EFCAB6: variants seen among roughly 807,000 people sequenced by gnomAD.
EFCAB6 encodes the protein EF-hand calcium binding domain 6.
Under a neutral mutation model 169.8 loss-of-function variants are expected in EFCAB6, and 156 were observed. The observed-to-expected ratio is 0.92, with a 90% CI of 0.81 to 1.05. EFCAB6 has a LOEUF of 1.05. EFCAB6 is among the 50% of genes least tolerant of loss of function. EFCAB6 has a pLI of 0.00. For synonymous variants in EFCAB6, 698 were observed against 676.4 expected, an observed-to-expected ratio of 1.03 and a Z score of -0.50; for missense variants, 1,800 against 1,829.1, an observed-to-expected ratio of 0.98 and a Z score of 0.29.
At chr22:43,716,745 C>A (rs1164210524) in intron 9 of EFCAB6, 103 bp downstream of exon 9, 2 of 1,413,822 alleles carry the variant, frequency 1.4e-6, no homozygotes, top group Non-Finnish European at 1.9e-6. Context: ...TAGGTAGGAT[C>A]GAAACAAATT....
intron 4 of EFCAB6, among the ~76,000 whole-genome samples, chr22:43,772,326 T>C (rs1603353363): frequency 6.6e-6 from 1 of 152,020 alleles, no homozygotes; most frequent in African/African-American, 2.4e-5. Flanking sequence ...CCCAAATACA[T>C]TTATATGGAC....
At chr22:43,588,954 G>T (rs1175192940) in intron 24 of EFCAB6, among the ~76,000 whole-genome samples, 1 of 152,106 alleles carries the variant, frequency 6.6e-6, no homozygotes, top group Admixed American at 6.6e-5. Context: ...GGCATGCGGA[G>T]GTAAGTTTTC....
At chr22:43,586,811 A>G (rs2051104980) in intron 24 of EFCAB6, among the ~76,000 whole-genome samples, 1 of 152,186 alleles carries the variant, frequency 6.6e-6, no homozygotes, top group African/African-American at 2.4e-5. Context: ...AGCCCACTGA[A>G]TCAGAAACTT....
chr22:43,722,974 G>A (rs1159199041), intron 8 of EFCAB6, among the ~76,000 whole-genome samples: 11 of 152,190 alleles, frequency 7.2e-5, no homozygotes, highest in Admixed American at 6.5e-5. Flanking sequence ...AACACTGCAT[G>A]TTCTCTCTTA....
intron 17 of EFCAB6, among the ~76,000 whole-genome samples, chr22:43,666,701 T>TTTG (rs112144642): frequency 0.089 from 12,637 of 142,528 alleles, 1,080 homozygotes; most frequent in African/African-American, 0.22. Flanking sequence ...GTTTTTTTTT[T>TTTG]TTTTTTTTTT....
intron 8 of EFCAB6, among the ~76,000 whole-genome samples, chr22:43,730,219 A>ATGGAGGG: frequency 9.4e-6 from 1 of 106,814 alleles, no homozygotes; most frequent in Non-Finnish European, 1.9e-5. Context: ...GAGGAGAGGA[A>ATGGAGGG]AAGGAGGGCA....
At chr22:43,601,540 T>C (rs1053761163) in intron 22 of EFCAB6, among the ~76,000 whole-genome samples, 2 of 152,184 alleles carry the variant, frequency 1.3e-5, no homozygotes, top group Non-Finnish European at 2.9e-5. Context: ...CAGTTTTCCT[T>C]TGAGAGGTAC....
rs762368832 is a variant in EFCAB6, at chr22:43,554,866, T to C, written c.3648+3A>G. 6.2e-6 allele frequency: 10 copies of C among 1,614,096 alleles called. No individual in the cohort carries two copies. The highest frequency in any genetic ancestry group is 1.7e-5 in the Admixed American group (1 of 60,030). ...AGGGTGAGGACTGACTGGCGTTTCT[T>C]ACCTGTTCGTCCGTCAGGATTTGGA... On this transcript the variant is annotated splice_donor_region_variant and intron_variant, in intron 27 of 31. Transcript: ENST00000262726.
chr22:43,572,376 G>A lies in EFCAB6; in HGVS notation c.3420+3921C>T, dbSNP rs368921028. Reference sequence around the variant, plus strand: ...ATGAGGACACTCAGGCCTCGCTGAGGGGGGACAGCAGACATGGAGCTTCAA... The same window carrying A: ...ATGAGGACACTCAGGCCTCGCTGAGAGGGGACAGCAGACATGGAGCTTCAA... On this transcript the variant is annotated intron_variant, in intron 26 of 31. Transcript: ENST00000262726. The surrounding 1 kb of genome is among the most constrained non-coding windows in gnomAD (Gnocchi z 4.0). 6.6e-6 allele frequency among the ~76,000 whole-genome samples: 1 copy of A among 152,184 alleles called. No individual in the cohort carries two copies. Among genetic ancestry groups the A allele is most frequent in the Admixed American group, 6.5e-5 (1 of 15,278 alleles).
chr22:43,621,427 T>C (rs62227020), intron 20 of EFCAB6, among the ~76,000 whole-genome samples: 15,664 of 152,046 alleles, frequency 0.1, 877 homozygotes, highest in Admixed American at 0.12. Flanking sequence ...TATTTTGAAA[T>C]TAAACAACAC....
chr22:43,800,385 C>G (rs1374192727), intron 2 of EFCAB6, among the ~76,000 whole-genome samples: 1 of 152,192 alleles, frequency 6.6e-6, no homozygotes, highest in Non-Finnish European at 1.5e-5. Flanking sequence ...CCAGAGAAGA[C>G]TGGAATAGAT....
At chr22:43,563,644 G>A (rs2049224237) in intron 26 of EFCAB6, among the ~76,000 whole-genome samples, 1 of 152,242 alleles carries the variant, frequency 6.6e-6, no homozygotes, top group Non-Finnish European at 1.5e-5. Flanking sequence ...CTCAAGGCAT[G>A]TGGCCCAGAG....
chr22:43,761,863 T>G (rs1447745545), intron 5 of EFCAB6, among the ~76,000 whole-genome samples: 3 of 152,232 alleles, frequency 2.0e-5, no homozygotes, highest in Non-Finnish European at 2.9e-5. Flanking sequence ...GTAGTCCTCA[T>G]TCTTTGATAG....
intron 26 of EFCAB6, among the ~76,000 whole-genome samples, chr22:43,558,825 CTT>C (rs2048858659): frequency 6.6e-6 from 1 of 152,190 alleles, no homozygotes; most frequent in African/African-American, 2.4e-5. Context: ...GTAAACATAA[CTT>C]TTATATGCAT....
intron 24 of EFCAB6, among the ~76,000 whole-genome samples, 163 bp from the exon 25 acceptor site, chr22:43,580,822 T>C (rs996091237): frequency 6.6e-6 from 1 of 152,214 alleles, no homozygotes; most frequent in Non-Finnish European, 1.5e-5. Flanking sequence ...AGCTCTGCTC[T>C]CAGGTAGACA....
At chr22:43,559,786 C>A (rs1434741855) in intron 26 of EFCAB6, among the ~76,000 whole-genome samples, 1 of 152,188 alleles carries the variant, frequency 6.6e-6, no homozygotes, top group Non-Finnish European at 1.5e-5. Flanking sequence ...ACCACATGTT[C>A]TCACTCATAA....
chr22:43,734,560 T>G (rs1484167387), intron 7 of EFCAB6, among the ~76,000 whole-genome samples: 1 of 152,200 alleles, frequency 6.6e-6, no homozygotes, highest in Admixed American at 6.5e-5. Context: ...TAAAACACTG[T>G]TTTGTTTTTT....
At chr22:43,784,714 CACACAT>C (rs1312219678) in intron 2 of EFCAB6, among the ~76,000 whole-genome samples, 10 of 131,220 alleles carry the variant, frequency 7.6e-5, no homozygotes, top group African/African-American at 2.2e-4. Flanking sequence ...CACACACACA[CACACAT>C]ATATATATAT....
chr22:43,539,717 C>T (rs920226365), intron 28 of EFCAB6, among the ~76,000 whole-genome samples: 1 of 152,224 alleles, frequency 6.6e-6, no homozygotes, highest in Non-Finnish European at 1.5e-5. Flanking sequence ...GAGAATGCCT[C>T]TTAGAGCCTC....
Sources: allele counts gnomAD v4.1 joint callset (sites outside exome capture counted in the v4.1 genomes callset), GRCh38; gene constraint gnomAD v4.1.1; non-coding constraint Gnocchi (gnomAD v3.1); transcripts MANE v1.5; gene names NCBI Gene and HGNC (gene_info 2026-07-23, HGNC 2026-07-21).